The following DNM3 variants were observed in gnomAD, a reference collection of about 807,000 sequenced individuals.
DNM3 encodes dynamin-3.
In DNM3, 47 loss-of-function variants were observed where a neutral mutation model predicts 101.6. That is an observed-to-expected ratio of 0.46 (90% CI 0.37 to 0.59). The LOEUF (loss-of-function observed/expected upper bound fraction) is 0.59. Ranked by LOEUF, DNM3 falls within the 20% of genes least tolerant of loss-of-function variation. DNM3 has a pLI of 0.00. For missense variants in DNM3, 849 were observed against 1,085.7 expected, an observed-to-expected ratio of 0.78 and a Z score of 3.06; for synonymous variants, 385 against 387.9, an observed-to-expected ratio of 0.99 and a Z score of 0.09.
intron 1 of DNM3, among the ~76,000 whole-genome samples, chr1:171,861,441 G>A (rs769891203): frequency 2.6e-5 from 4 of 152,076 alleles, no homozygotes; most frequent in Non-Finnish European, 5.9e-5. Flanking sequence ...TGTTACATTC[G>A]TGGTCAATTG....
chr1:172,138,152 C>A (rs2057353471), intron 14 of DNM3: 1 of 151,910 alleles, frequency 6.6e-6, no homozygotes, highest in Non-Finnish European at 1.5e-5. Context: ...TTTCAACTTT[C>A]CATATGTCAA....
intron 1 of DNM3, among the ~76,000 whole-genome samples, chr1:171,855,042 C>T (rs2033447087): frequency 1.3e-5 from 2 of 152,122 alleles, no homozygotes; most frequent in African/African-American, 2.4e-5. Flanking sequence ...CCACCCTTCA[C>T]CCTCAAGGAG....
intron 2 of DNM3, among the ~76,000 whole-genome samples, chr1:171,974,990 G>A (rs1213904376): frequency 6.6e-6 from 1 of 151,466 alleles, no homozygotes; most frequent in Non-Finnish European, 1.5e-5. Flanking sequence ...GCTAAAGACT[G>A]CACGTGCATG....
intron 4 of DNM3, among the ~76,000 whole-genome samples, chr1:172,026,709 C>T (rs2048231778): frequency 6.6e-6 from 1 of 151,508 alleles, no homozygotes; most frequent in African/African-American, 2.4e-5. Context: ...GGCTGGAGTG[C>T]AGTGGTGCAA....
chr1:171,871,664 C>T (rs1182946862), intron 1 of DNM3, among the ~76,000 whole-genome samples: 2 of 152,066 alleles, frequency 1.3e-5, no homozygotes, highest in Non-Finnish European at 2.9e-5. Context: ...AAGTTACATA[C>T]CCTAATTTGC....
chr1:171,946,548 T>A (rs1453439070), intron 2 of DNM3, among the ~76,000 whole-genome samples: 1 of 152,204 alleles, frequency 6.6e-6, no homozygotes, highest in Non-Finnish European at 1.5e-5. Context: ...TCTGCTTATT[T>A]GCTGTTGGCT....
intron 1 of DNM3, among the ~76,000 whole-genome samples, chr1:171,848,711 G>C (rs551741625): frequency 2.0e-5 from 3 of 152,260 alleles, no homozygotes; most frequent in East Asian, 3.9e-4. Context: ...GTGTGTGTTT[G>C]CATTCTTAGA....
chr1:172,116,194 A>G (rs1166140422), intron 13 of DNM3, among the ~76,000 whole-genome samples: 1 of 152,216 alleles, frequency 6.6e-6, no homozygotes, highest in Admixed American at 6.5e-5. Context: ...GCATACCTAC[A>G]TGCATCTTCC....
At chr1:171,883,535 G>A (rs2036507350) in intron 1 of DNM3, among the ~76,000 whole-genome samples, 1 of 151,158 alleles carries the variant, frequency 6.6e-6, no homozygotes, top group Non-Finnish European at 1.5e-5. Context: ...GTAATAGCGC[G>A]ATCTCGGCTC....
chr1:172,172,153 G>T (rs1399073069), intron 14 of DNM3, among the ~76,000 whole-genome samples: 1 of 151,616 alleles, frequency 6.6e-6, no homozygotes, highest in Non-Finnish European at 1.5e-5. Context: ...CATCTTCTCA[G>T]TAAGTAGTTA....
Position 172,365,035 on chromosome 1 carries a change from C to G in DNM3, c.1894-13983C>G, listed in dbSNP as rs553195214. 1.6e-4 allele frequency among the ~76,000 whole-genome samples: 25 copies of G among 151,920 alleles called. 1 individual carries two copies. The highest frequency in any genetic ancestry group is 4.1e-4 in the African/African-American group (17 of 41,478). ...TCTCAGGTATTTCTTTATAACAACA[C>G]AAGAATGAACTAATACACACAGTAT... On this transcript the variant is annotated intron_variant, in intron 17 of 20. Transcript: ENST00000627582.
chr1:172,330,997 G>C (rs955887722), intron 17 of DNM3, among the ~76,000 whole-genome samples: 3 of 152,096 alleles, frequency 2.0e-5, no homozygotes, highest in African/African-American at 7.2e-5. Flanking sequence ...CTCTGCCTGT[G>C]CAAATATGTT....
intron 14 of DNM3, among the ~76,000 whole-genome samples, chr1:172,240,017 C>T (rs2061691586): frequency 6.6e-6 from 1 of 151,924 alleles, no homozygotes; most frequent in African/African-American, 2.4e-5. Flanking sequence ...TCTCAGAAGG[C>T]ACATGGAAGG....
chr1:172,375,078 C>T (rs2068531241), intron 17 of DNM3, among the ~76,000 whole-genome samples: 1 of 151,928 alleles, frequency 6.6e-6, no homozygotes, highest in Non-Finnish European at 1.5e-5. Context: ...TCATTTTCCC[C>T]CTAATCTTTA....
intron 10 of DNM3, among the ~76,000 whole-genome samples, chr1:172,061,400 T>A (rs1474696472): frequency 6.6e-6 from 1 of 150,556 alleles, no homozygotes; most frequent in African/African-American, 2.5e-5. Context: ...TATGCACATG[T>A]ATGTTTATTG....
At chr1:172,378,898 C>A in intron 17 of DNM3, 120 bp from the exon 18 acceptor site, 1 of 1,124,432 alleles carries the variant, frequency 8.9e-7, no homozygotes, top group Non-Finnish European at 1.2e-6. Context: ...AAAATGTTAC[C>A]ATCTACTGAT....
In DNM3 at chr1:172,166,712, T is replaced by G. The variant is rs563217774; in HGVS notation, c.1659+35424T>G. 2.7e-5 allele frequency among the ~76,000 whole-genome samples: 4 copies of G among 146,276 alleles called. No homozygotes were observed. In the East Asian group the frequency reaches 6.1e-4, roughly 22 times the overall value. On this transcript the variant is annotated intron_variant, in intron 14 of 20. Coordinates refer to ENST00000627582, the MANE Select transcript of DNM3 (RefSeq NM_015569.5). Reference sequence around the variant, plus strand: ...CATTTCCCCATCCTACCCAACATATTTTTTTGCTAGTCATTTTAATCTCAT... The same window carrying G: ...CATTTCCCCATCCTACCCAACATATGTTTTTGCTAGTCATTTTAATCTCAT...
chr1:172,224,963 G>C (rs1017130342), intron 14 of DNM3, among the ~76,000 whole-genome samples: 4 of 151,960 alleles, frequency 2.6e-5, no homozygotes, highest in African/African-American at 9.7e-5. Flanking sequence ...CAAGGATCTG[G>C]TCTTCCCTCT....
chr1:172,099,317 T>C (rs1044208079), intron 13 of DNM3, among the ~76,000 whole-genome samples: 5 of 152,192 alleles, frequency 3.3e-5, no homozygotes, highest in Non-Finnish European at 7.4e-5. Flanking sequence ...TTGCTTCACA[T>C]GGTCAGTAAC....
Sources: gnomAD v4.1 joint callset for allele counts (sites outside exome capture counted in the v4.1 genomes callset) on GRCh38, gnomAD v4.1.1 for gene constraint, MANE v1.5 for transcripts, NCBI Gene and HGNC (gene_info 2026-07-23, HGNC 2026-07-21) for gene names.